The following SLC4A5 variants were observed in gnomAD, a reference collection of about 807,000 sequenced individuals.
SLC4A5 encodes the protein electrogenic sodium bicarbonate cotransporter 4.
SLC4A5 carries 96 observed loss-of-function variants against 120.4 expected under a neutral mutation model. That is an observed-to-expected ratio of 0.80 (90% CI 0.68 to 0.94). SLC4A5 has a LOEUF of 0.94. SLC4A5 is among the 40% of genes least tolerant of loss of function. The probability of loss-of-function intolerance (pLI) is 0.00; values close to 1 mark genes in which losing one functional copy is unlikely to be tolerated. For missense variants in SLC4A5, 1,259 were observed against 1,459.5 expected, an observed-to-expected ratio of 0.86 and a Z score of 2.24; for synonymous variants, 550 against 571.1, an observed-to-expected ratio of 0.96 and a Z score of 0.53.
chr2:74,297,971 G>C (rs1409430613), intron 7 of SLC4A5, among the ~76,000 whole-genome samples: 1 of 152,150 alleles, frequency 6.6e-6, no homozygotes, highest in Non-Finnish European at 1.5e-5. Flanking sequence ...TCTTATAAAG[G>C]AAAGCAATGT....
intron 27 of SLC4A5, 26 bp downstream of exon 27, chr2:74,226,931 G>T (rs766259079): frequency 6.2e-7 from 1 of 1,604,234 alleles, no homozygotes; most frequent in Non-Finnish European, 8.5e-7. Flanking sequence ...TGCCAGGCAG[G>T]AGGGGGAAGC....
At chr2:74,294,073 G>A (rs1672256114) in intron 7 of SLC4A5, among the ~76,000 whole-genome samples, 1 of 152,214 alleles carries the variant, frequency 6.6e-6, no homozygotes, top group African/African-American at 2.4e-5. Context: ...GCAGAGCCTG[G>A]CATGTGCATG....
exon 21 of SLC4A5, chr2:74,239,511 A>G (rs1415344151): frequency 1.9e-6 from 3 of 1,613,880 alleles, no homozygotes; most frequent in Admixed American, 1.7e-5. Context: ...GACCAGTCCA[A>G]CGCTGTGAGG....
exon 28 of SLC4A5, chr2:74,224,922 T>A (rs761865301): frequency 1.9e-6 from 3 of 1,614,110 alleles, no homozygotes; most frequent in Non-Finnish European, 2.5e-6. Context: ...TGGGAGGATG[T>A]TGTCAATCCA....
At chr2:74,332,718 T>TGTGTGCGTGTGTGTGC in intron 4 of SLC4A5, among the ~76,000 whole-genome samples, 1 of 151,858 alleles carries the variant, frequency 6.6e-6, no homozygotes, top group Non-Finnish European at 1.5e-5. Flanking sequence ...TGTGTGTGTG[T>TGTGTGCGTGTGTGTGC]GTGTGTGCGT....
intron 8 of SLC4A5, among the ~76,000 whole-genome samples, chr2:74,267,076 T>A (rs1228707706): frequency 1.3e-5 from 2 of 152,240 alleles, no homozygotes; most frequent in African/African-American, 4.8e-5. Flanking sequence ...TGCTCAACCT[T>A]ACCAGTAATC....
chr2:74,269,741 G>T (rs1671416351), intron 8 of SLC4A5, among the ~76,000 whole-genome samples: 2 of 152,108 alleles, frequency 1.3e-5, no homozygotes, highest in Admixed American at 6.5e-5. Context: ...GGGGCCAGTT[G>T]AGTGGGTTGC....
intron 3 of SLC4A5, among the ~76,000 whole-genome samples, chr2:74,335,701 T>C (rs1288225046): frequency 2.6e-5 from 4 of 152,088 alleles, no homozygotes; most frequent in Non-Finnish European, 5.9e-5. Context: ...GATCAAAAGA[T>C]ACAATGGAGG....
chr2:74,336,018 A>G (rs778117421), intron 3 of SLC4A5, among the ~76,000 whole-genome samples: 6 of 152,276 alleles, frequency 3.9e-5, no homozygotes, highest in African/African-American at 1.4e-4. Context: ...AGCTTTACAT[A>G]CCTTACCTCA....
intron 8 of SLC4A5, among the ~76,000 whole-genome samples, chr2:74,274,592 G>GA (rs1231319722): frequency 6.6e-6 from 1 of 152,234 alleles, no homozygotes; most frequent in African/African-American, 2.4e-5. Context: ...ATGAGCACCA[G>GA]AAAGGCCTCA....
intron 12 of SLC4A5, among the ~76,000 whole-genome samples, chr2:74,258,764 T>C (rs1246354100): frequency 1.3e-5 from 2 of 152,140 alleles, no homozygotes; most frequent in African/African-American, 2.4e-5. Flanking sequence ...AGCTTAAATA[T>C]TGATTGATTT....
chr2:74,257,567 C>T (rs1671008970), intron 12 of SLC4A5, among the ~76,000 whole-genome samples: 1 of 152,048 alleles, frequency 6.6e-6, no homozygotes, highest in Non-Finnish European at 1.5e-5. Flanking sequence ...AACAAACCCA[C>T]TTGTTTTTGT....
chr2:74,341,323 A>G (rs1336375557), intron 2 of SLC4A5, among the ~76,000 whole-genome samples: 1 of 150,502 alleles, frequency 6.6e-6, no homozygotes, highest in Non-Finnish European at 1.5e-5. Context: ...AAAAAAAAAA[A>G]GAGTAAATGT....
chr2:74,235,021 T>A, intron 22 of SLC4A5, 80 bp downstream of exon 22: 1 of 1,126,620 alleles, frequency 8.9e-7, no homozygotes, highest in Non-Finnish European at 1.3e-6. Context: ...GAGAAGAGAG[T>A]TTGATCAGCA....
intron 3 of SLC4A5, among the ~76,000 whole-genome samples, chr2:74,336,210 G>C (rs530351154): frequency 1.5e-4 from 23 of 152,222 alleles, no homozygotes; most frequent in African/African-American, 5.5e-4. Flanking sequence ...TGGGACTATA[G>C]GCAGGTGCCA....
intron 8 of SLC4A5, among the ~76,000 whole-genome samples, chr2:74,277,410 A>T (rs1671678377): frequency 6.6e-6 from 1 of 152,058 alleles, no homozygotes; most frequent in African/African-American, 2.4e-5. Context: ...CTAGTCAGGC[A>T]TGGTGGTGGG....
rs1007295710 is a variant in SLC4A5, at chr2:74,233,385, C to T, written c.2595+17G>A. On this transcript the variant is annotated intron_variant, in intron 23 of 30. Transcript: ENST00000394019. ...GGAAGAAAGAGGTTATGCCTCTGCT[C>T]CTAGTACCGGCCTTACCTTCAGTTT... The T allele has an allele frequency of 1.9e-6, 3 of 1,613,884 alleles. No individual in the cohort carries two copies. The highest frequency in any genetic ancestry group is 1.7e-5 in the Admixed American group (1 of 59,998).
exon 10 of SLC4A5, chr2:74,264,264 G>C (rs757634763): frequency 6.2e-7 from 1 of 1,614,046 alleles, no homozygotes; most frequent in African/African-American, 1.3e-5. Flanking sequence ...TCTGGCCGCA[G>C]GAGACCATCC....
At chr2:74,289,090 C>T (rs1004131268) in intron 7 of SLC4A5, among the ~76,000 whole-genome samples, 17 of 152,128 alleles carry the variant, frequency 1.1e-4, no homozygotes, top group African/African-American at 4.1e-4. Context: ...TTGCCATTGC[C>T]TCTGGTTGTC....
Sources: gnomAD v4.1 joint callset for allele counts (sites outside exome capture counted in the v4.1 genomes callset) on GRCh38, gnomAD v4.1.1 for gene constraint, MANE v1.5 for transcripts, NCBI Gene and HGNC (gene_info 2026-07-23, HGNC 2026-07-21) for gene names.